THADA: variants seen among roughly 807,000 people sequenced by gnomAD.
THADA encodes tRNA (32-2'-O)-methyltransferase regulator THADA.
THADA carries 213 observed loss-of-function variants against 219.8 expected under a neutral mutation model. That is an observed-to-expected ratio of 0.97 (90% CI 0.87 to 1.09). The LOEUF is 1.09. Ranked by LOEUF, THADA falls within the 50% of genes least tolerant of loss-of-function variation. The probability of loss-of-function intolerance (pLI) is 0.00; values close to 1 mark genes in which losing one functional copy is unlikely to be tolerated. For missense variants in THADA, 2,956 were observed against 2,311.3 expected, an observed-to-expected ratio of 1.28 and a Z score of -5.72; for synonymous variants, 1,018 against 828.9, an observed-to-expected ratio of 1.23 and a Z score of -3.92.
At chr2:43,457,749 C>G (rs978620306) in intron 26 of THADA, among the ~76,000 whole-genome samples, 2 of 152,144 alleles carry the variant, frequency 1.3e-5, no homozygotes, top group African/African-American at 2.4e-5. Flanking sequence ...TTGTCCAATT[C>G]AAATTGTTTT....
At chr2:43,232,207 C>A (rs994249127) in intron 37 of THADA, among the ~76,000 whole-genome samples, 2 of 150,408 alleles carry the variant, frequency 1.3e-5, no homozygotes, top group African/African-American at 4.9e-5. Flanking sequence ...GAGATGGAGT[C>A]TTGCTCTGTT....
At chr2:43,532,794 G>A (rs1204379295) in intron 21 of THADA, among the ~76,000 whole-genome samples, 2 of 152,112 alleles carry the variant, frequency 1.3e-5, no homozygotes, top group Admixed American at 6.5e-5. Context: ...AAAAACCCTA[G>A]AAGAAAACCT....
chr2:43,291,079 G>C (rs1392307274), intron 34 of THADA, among the ~76,000 whole-genome samples: 1 of 151,884 alleles, frequency 6.6e-6, no homozygotes, highest in African/African-American at 2.4e-5. Flanking sequence ...CTAGAGAAAT[G>C]GGGAAAAAAC....
rs1369379639 is a variant in THADA, at chr2:43,287,009, A to C, written c.5063T>G (p.Leu1688Trp). The stretch of plus-strand genomic sequence containing the variant: ...TGTAGGAAGATGGTCTTCACATGAC[A>C]AGATGACCAGCTGAACCCACTGCTT... ...ELKQWVQLVI[L>W]SCEDHLPTES... Residue 1688 changes from leucine (L) to tryptophan (W), a missense_variant, in exon 35 of 38, where the codon TTG becomes TGG. Physicochemically the swap from Leu to Trp is moderately conservative, Grantham distance 61. Transcript: ENST00000405975. The C allele has an allele frequency of 4.3e-6, 7 of 1,613,972 alleles. No homozygotes were observed. Among genetic ancestry groups the C allele is most frequent in the Non-Finnish European group, 4.2e-6 (5 of 1,179,876 alleles).
intron 31 of THADA, among the ~76,000 whole-genome samples, chr2:43,311,896 G>T (rs557894247): frequency 6.6e-6 from 1 of 152,280 alleles, no homozygotes; most frequent in East Asian, 1.9e-4. Flanking sequence ...CAGGAACAGA[G>T]AACACTGAAA....
chr2:43,467,311 TC>T (rs1323734133), intron 26 of THADA, among the ~76,000 whole-genome samples: 1 of 151,906 alleles, frequency 6.6e-6, no homozygotes, highest in African/African-American at 2.4e-5. Context: ...GAACACTAGC[TC>T]TGCTTCACGC....
chr2:43,543,998 G>T (rs961502223), intron 20 of THADA, among the ~76,000 whole-genome samples: 1 of 152,134 alleles, frequency 6.6e-6, no homozygotes, highest in Non-Finnish European at 1.5e-5. Context: ...GGTTTTTATG[G>T]TTTTAGGTCT....
chr2:43,545,909 C>T (rs1009533201), intron 20 of THADA, among the ~76,000 whole-genome samples: 2 of 152,078 alleles, frequency 1.3e-5, no homozygotes, highest in Non-Finnish European at 2.9e-5. Flanking sequence ...TTCTTGCCTT[C>T]TGCTAGCTTT....
chr2:43,351,381 G>A (rs1266577825), intron 29 of THADA, among the ~76,000 whole-genome samples: 1 of 152,002 alleles, frequency 6.6e-6, no homozygotes, highest in Non-Finnish European at 1.5e-5. Context: ...TGGCCAGGAC[G>A]TTCCATCATT....
At chr2:43,444,023 G>A (rs940971484) in intron 26 of THADA, among the ~76,000 whole-genome samples, 3 of 152,168 alleles carry the variant, frequency 2.0e-5, no homozygotes, top group East Asian at 1.9e-4. Context: ...GAAAACACCT[G>A]CCAGGCACCA....
At position 43,231,126 on chromosome 2, in the gene THADA, A is replaced by C. The variant is rs1275076097; in HGVS notation, c.5684T>G (p.Phe1895Cys). 1.2e-6 allele frequency: 2 copies of C among 1,613,798 alleles called. No individual in the cohort carries two copies. Among genetic ancestry groups the C allele is most frequent in the Admixed American group, 1.7e-5 (1 of 59,988 alleles). ...FFRELPPAAE[F>C]VKTVEFTRLR... is the part of the protein sequence containing the mutation. ...TCTTGTGAACTCCACTGTCTTCACA[A>C]ACTCAGCAGCTGGTGGAAGCTCTCT... The change falls in exon 38 of 38, where the codon TTT becomes TGT. Residue 1895 changes from phenylalanine (F) to cysteine (C), a missense_variant. Physicochemically the swap from Phe to Cys is radical, Grantham distance 205. Coordinates refer to ENST00000405975, the MANE Select transcript of THADA (RefSeq NM_022065.5).
At chr2:43,321,313 G>T (rs1412662828) in intron 30 of THADA, among the ~76,000 whole-genome samples, 1 of 152,208 alleles carries the variant, frequency 6.6e-6, no homozygotes, top group African/African-American at 2.4e-5. Flanking sequence ...CTACAATTGA[G>T]TCCTGGCTTT....
chr2:43,371,079 AGCCTCTGGAG>A (rs1670749003), intron 29 of THADA, among the ~76,000 whole-genome samples: 5 of 152,308 alleles, frequency 3.3e-5, no homozygotes, highest in African/African-American at 1.2e-4. Flanking sequence ...TTTCTTTTTC[AGCCTCTGGAG>A]TTTGAGTTGT....
intron 21 of THADA, among the ~76,000 whole-genome samples, chr2:43,537,924 A>C (rs535051856): frequency 6.6e-6 from 1 of 151,252 alleles, no homozygotes; most frequent in African/African-American, 2.4e-5. Flanking sequence ...TGGGCGCCAG[A>C]ATGGGACCCA....
intron 28 of THADA, among the ~76,000 whole-genome samples, chr2:43,424,992 A>T (rs1573578207): frequency 6.6e-6 from 1 of 152,216 alleles, no homozygotes; most frequent in African/African-American, 2.4e-5. Context: ...GCAGCTGTGG[A>T]TATAGGCTCC....
At chr2:43,522,175 T>C (rs1321252129) in intron 22 of THADA, among the ~76,000 whole-genome samples, 1 of 152,190 alleles carries the variant, frequency 6.6e-6, no homozygotes, top group Non-Finnish European at 1.5e-5. Context: ...GGAAGGTTGT[T>C]TGCATGTATA....
At chr2:43,560,460 A>C (rs775132703) in intron 15 of THADA, 75 bp from the exon 16 acceptor site, 116 of 1,143,392 alleles carry the variant, frequency 1.0e-4, no homozygotes, top group Non-Finnish European at 1.3e-4. Context: ...ATTTGACCAA[A>C]TTTATAGAAA....
chr2:43,469,498 C>T (rs951362932), intron 26 of THADA, among the ~76,000 whole-genome samples: 1 of 152,014 alleles, frequency 6.6e-6, no homozygotes, highest in African/African-American at 2.4e-5. Flanking sequence ...CCCTCACATT[C>T]CCTTAAATGA....
intron 7 of THADA, among the ~76,000 whole-genome samples, chr2:43,582,601 C>G: frequency 6.8e-6 from 1 of 147,198 alleles, no homozygotes; most frequent in East Asian, 2.0e-4. Context: ...AGAGTCTCCC[C>G]CTCTGTCACC....
Sources: gnomAD v4.1 joint callset for allele counts (sites outside exome capture counted in the v4.1 genomes callset) on GRCh38, gnomAD v4.1.1 for gene constraint, MANE v1.5 for transcripts, NCBI Gene and HGNC (gene_info 2026-07-23, HGNC 2026-07-21) for gene names.